Variants in RCSD1 observed in about 807,000 individuals in gnomAD.
RCSD1 encodes the protein capZ-interacting protein.
In RCSD1, 26 loss-of-function variants were observed where a neutral mutation model predicts 42.5. The ratio of observed to expected loss-of-function variants is 0.61; its 90% CI spans 0.45 to 0.85. The LOEUF (loss-of-function observed/expected upper bound fraction) is 0.85, where lower values mean the gene tolerates loss of function less well. Among genes scored for constraint, RCSD1 ranks in the 40% least tolerant of loss-of-function variants. The pLI is 0.00. For synonymous variants in RCSD1, 220 were observed against 212.2 expected, an observed-to-expected ratio of 1.04 and a Z score of -0.32; for missense variants, 571 against 528.3, an observed-to-expected ratio of 1.08 and a Z score of -0.79.
intron 4 of RCSD1, among the ~76,000 whole-genome samples, chr1:167,690,960 A>T (rs1421542209): frequency 6.6e-6 from 1 of 152,122 alleles, no homozygotes; most frequent in Non-Finnish European, 1.5e-5. Context: ...TAAGCAGAAG[A>T]CACTGGTCCT....
Position 167,697,584 on chromosome 1 carries a change from G to A in RCSD1, c.960G>A (p.Glu320=), listed in dbSNP as rs763515507. The A allele has an allele frequency of 1.1e-5, 17 of 1,608,188 alleles. No individual in the cohort carries two copies. Among genetic ancestry groups the A allele is most frequent in the Non-Finnish European group, 1.4e-5 (16 of 1,177,416 alleles). The change falls in exon 6 of 7, where the codon GAG becomes GAA. Residue 320 remains glutamate (E), a synonymous_variant. Coordinates refer to ENST00000367854, the MANE Select transcript of RCSD1 (RefSeq NM_052862.4). ...EMEKATEVKG[E]RVQNEEVGPE... ...AAAAGGCTACAGAGGTGAAGGGGGA[G>A]AGGGTGCAAAATGAAGAGGTGGGAC...
At position 167,652,775 on chromosome 1, in the gene RCSD1, G is replaced by A. The variant is rs112933646; in HGVS notation, c.6+22346G>A. 5.3e-3 allele frequency among the ~76,000 whole-genome samples: 808 copies of A among 152,014 alleles called. 7 individuals carry two copies. The highest frequency in any genetic ancestry group is 0.018 in the African/African-American group (764 of 41,452). ...CATGTGTGAGAAATGTTGGATATTCGTCATTTGTAATGGTAGCATAGTGTT... is the reference window on the plus strand; with the variant it reads ...CATGTGTGAGAAATGTTGGATATTCATCATTTGTAATGGTAGCATAGTGTT... On this transcript the variant is annotated intron_variant, in intron 1 of 6. Transcript: ENST00000367854.
intron 1 of RCSD1, among the ~76,000 whole-genome samples, chr1:167,639,976 G>T (rs1055439947): frequency 6.6e-6 from 1 of 152,204 alleles, no homozygotes; most frequent in Admixed American, 6.5e-5. Flanking sequence ...CCTCACAAAG[G>T]CCTGAATTTA....
chr1:167,648,743 C>T (rs987162146), intron 1 of RCSD1, among the ~76,000 whole-genome samples: 1 of 152,194 alleles, frequency 6.6e-6, no homozygotes, highest in Admixed American at 6.5e-5. Flanking sequence ...CCAAGAATCT[C>T]ACCCACCAGT....
At position 167,697,615 on chromosome 1, in the gene RCSD1, C is replaced by T. The variant is rs1158993418; in HGVS notation, c.991C>T (p.His331Tyr). The T allele has an allele frequency of 1.9e-6, 3 of 1,607,280 alleles. No homozygotes were observed. The highest frequency in any genetic ancestry group is 8.5e-7 in the Non-Finnish European group (1 of 1,176,958). ...RVQNEEVGPE[H>Y]DSQETKKLEE... is the part of the protein sequence containing the mutation. Reference sequence around the variant, plus strand: ...GCAAAATGAAGAGGTGGGACCTGAACATGACAGCCAAGAAACAAAGAAGCT... The same window carrying T: ...GCAAAATGAAGAGGTGGGACCTGAATATGACAGCCAAGAAACAAAGAAGCT... The change falls in exon 6 of 7, where the codon CAT becomes TAT. Residue 331 changes from histidine to tyrosine, a missense_variant. Transcript: ENST00000367854.
intron 1 of RCSD1, chr1:167,664,009 A>T (rs1356752694): frequency 6.6e-6 from 1 of 152,238 alleles, no homozygotes; most frequent in East Asian, 1.9e-4. Flanking sequence ...CTAAGATCAC[A>T]CATCTAGTAA....
intron 1 of RCSD1, among the ~76,000 whole-genome samples, chr1:167,673,571 A>G (rs1409831569): frequency 2.0e-5 from 3 of 152,176 alleles, no homozygotes; most frequent in Non-Finnish European, 4.4e-5. Flanking sequence ...TGCCCACCTC[A>G]TTTTACAGAT....
In RCSD1 at chr1:167,706,160, G is replaced by A. The variant is rs778008787; in HGVS notation, c.*1464G>A. On this transcript the variant is annotated 3_prime_UTR_variant, in exon 7 of 7. Coordinates refer to ENST00000367854, the MANE Select transcript of RCSD1 (RefSeq NM_052862.4). ...TATTTTTTTTCAAAACTGTTTTTAAGTAGTTTGTAATTTGTAACAAACTTG... is the reference window on the plus strand; with the variant it reads ...TATTTTTTTTCAAAACTGTTTTTAAATAGTTTGTAATTTGTAACAAACTTG... 2 of 152,142 alleles carry A rather than the reference G, an allele frequency of 1.3e-5. No homozygotes were observed. The highest frequency in any genetic ancestry group is 2.9e-5 in the Non-Finnish European group (2 of 68,012). The allele number at this position is 152,142 out of a possible 1,614,324, so 9.4% of individuals were successfully genotyped here. A position where few individuals can be genotyped will look rare whatever the true frequency, so the allele number is the denominator to read the frequency against.
chr1:167,644,913 C>T (rs1658096233), intron 1 of RCSD1, among the ~76,000 whole-genome samples: 1 of 152,212 alleles, frequency 6.6e-6, no homozygotes, highest in African/African-American at 2.4e-5. Flanking sequence ...TGATTTCTCA[C>T]GTGGTCACAT....
In RCSD1 at chr1:167,661,420, G is replaced by A. The variant is rs149095427; in HGVS notation, c.7-22480G>A. On this transcript the variant is annotated intron_variant, in intron 1 of 6. Transcript: ENST00000367854. ...GCTGATCGCAGACAGACAAGCATGGGCCAGTCTGGCCTCACTGCCAGCACT... is the reference window on the plus strand; with the variant it reads ...GCTGATCGCAGACAGACAAGCATGGACCAGTCTGGCCTCACTGCCAGCACT... Among the ~76,000 whole-genome samples the A allele has an allele frequency of 2.7e-3, 412 of 152,360 alleles. 2 individuals carry two copies. Among genetic ancestry groups the A allele is most frequent in the Non-Finnish European group, 4.2e-3 (288 of 68,024 alleles).
At chr1:167,651,694 T>C (rs187005112) in intron 1 of RCSD1, among the ~76,000 whole-genome samples, 167 of 152,312 alleles carry the variant, frequency 1.1e-3, no homozygotes, top group Non-Finnish European at 2.2e-3. Flanking sequence ...AGTAATTTTG[T>C]TCCTGTTGAG....
At chr1:167,684,938 C>T (rs1024464479) in intron 2 of RCSD1, among the ~76,000 whole-genome samples, 4 of 152,168 alleles carry the variant, frequency 2.6e-5, no homozygotes, top group African/African-American at 9.7e-5. Flanking sequence ...AGAAATCTAT[C>T]GTGGCCCCTT....
In RCSD1 at chr1:167,704,773, A is replaced by G; in HGVS notation, c.*77A>G. The G allele has an allele frequency of 7.0e-7, 1 of 1,424,946 alleles. No individual in the cohort carries two copies. Among genetic ancestry groups the G allele is most frequent in the Non-Finnish European group, 9.9e-7 (1 of 1,014,248 alleles). The allele number at this position is 1,424,946 out of a possible 1,614,324, so 88.3% of individuals were successfully genotyped here. A position where few individuals can be genotyped will look rare whatever the true frequency, so the allele number is the denominator to read the frequency against. ...AGGTAGCAGCAACAGTTGTAGCAGC[A>G]GCAGACGAAGCCATTGCAGAGGCAG... is the stretch of plus-strand genomic sequence containing the variant. On this transcript the variant is annotated 3_prime_UTR_variant, in exon 7 of 7. Coordinates refer to ENST00000367854, the MANE Select transcript of RCSD1 (RefSeq NM_052862.4).
chr1:167,664,739 T>C (rs996948458), intron 1 of RCSD1: 23 of 152,228 alleles, frequency 1.5e-4, no homozygotes, highest in African/African-American at 5.6e-4. Context: ...ACCCTGTCTC[T>C]ACTACAAATA....
At chr1:167,637,530 G>A (rs1029668328) in intron 1 of RCSD1, among the ~76,000 whole-genome samples, 3 of 152,184 alleles carry the variant, frequency 2.0e-5, no homozygotes, top group Non-Finnish European at 4.4e-5. Flanking sequence ...CCTCCTGGCA[G>A]CCCTAGGGTG....
intron 1 of RCSD1, among the ~76,000 whole-genome samples, chr1:167,662,837 A>C (rs1292066692): frequency 6.6e-6 from 1 of 152,180 alleles, no homozygotes; most frequent in Non-Finnish European, 1.5e-5. Flanking sequence ...TCCCTGGCCG[A>C]GTTTCTTGCG....
chr1:167,678,487 C>G (rs1311282394), intron 1 of RCSD1, among the ~76,000 whole-genome samples: 1 of 151,526 alleles, frequency 6.6e-6, no homozygotes, highest in African/African-American at 2.4e-5. Flanking sequence ...TGATTCTTCT[C>G]TTTCCCTTGC....
chr1:167,656,507 G>A (rs1163418671), intron 1 of RCSD1, among the ~76,000 whole-genome samples: 1 of 152,092 alleles, frequency 6.6e-6, no homozygotes, highest in Non-Finnish European at 1.5e-5. Flanking sequence ...AAAATCAATA[G>A]ATTGCATTTT....
At chr1:167,657,320 C>G (rs955951837) in intron 1 of RCSD1, among the ~76,000 whole-genome samples, 7 of 152,156 alleles carry the variant, frequency 4.6e-5, no homozygotes. Flanking sequence ...AAGAAAATCA[C>G]CTATGTTCCC....
Sources: allele counts gnomAD v4.1 joint callset (sites outside exome capture counted in the v4.1 genomes callset), GRCh38; gene constraint gnomAD v4.1.1; transcripts MANE v1.5; gene names NCBI Gene and HGNC (gene_info 2026-07-23, HGNC 2026-07-21).